Variants in ZC3H12B observed in about 807,000 individuals in gnomAD.
ZC3H12B encodes zinc finger CCCH-type containing 12B, also known as probable ribonuclease ZC3H12B.
Under a neutral mutation model 43.9 loss-of-function variants are expected in ZC3H12B, and 7 were observed. The observed-to-expected ratio is 0.16, with a 90% CI of 0.09 to 0.30. The LOEUF is 0.30. ZC3H12B is among the 10% of genes least tolerant of loss of function. ZC3H12B has a pLI of 1.00. For synonymous variants in ZC3H12B, 222 were observed against 241.7 expected, an observed-to-expected ratio of 0.92 and a Z score of 0.76; for missense variants, 475 against 670.2, an observed-to-expected ratio of 0.71 and a Z score of 3.22.
chrX:65,103,585 A>T, the ZC3H12B span, among the ~76,000 whole-genome samples: 1 of 111,969 alleles, frequency 8.9e-6, no homozygotes, highest in Non-Finnish European at 1.9e-5. Flanking sequence ...GGAAGTGATA[A>T]TGTCCGTGAA....
chrX:65,484,036 G>C (rs141339013), upstream of ZC3H12B, among the ~76,000 whole-genome samples: 1 of 112,050 alleles, frequency 8.9e-6, no homozygotes, highest in East Asian at 2.8e-4. Flanking sequence ...CTTTGCTATT[G>C]TGAATAGTGC....
At chrX:65,173,722 A>T in the ZC3H12B span, among the ~76,000 whole-genome samples, 1 of 111,860 alleles carries the variant, frequency 8.9e-6, no homozygotes, top group South Asian at 3.7e-4. Flanking sequence ...GATCAATTAC[A>T]TTTATTGATT....
the ZC3H12B span, among the ~76,000 whole-genome samples, chrX:65,163,665 C>A: frequency 1.1e-4 from 12 of 111,576 alleles, no homozygotes; most frequent in Admixed American, 1.0e-3. Flanking sequence ...TTTCCAGGTG[C>A]CATCTGTCAC....
the ZC3H12B span, among the ~76,000 whole-genome samples, chrX:65,080,234 T>C: frequency 5.6e-4 from 56 of 99,376 alleles, no homozygotes; most frequent in African/African-American, 2.0e-3. Flanking sequence ...CTAGAAAATA[T>C]CCTCAGAGGG....
At chrX:65,402,525 G>A (rs1035516529) in intron 3 of ZC3H12B, among the ~76,000 whole-genome samples, 1 of 111,794 alleles carries the variant, frequency 8.9e-6, no homozygotes, top group African/African-American at 3.3e-5. Flanking sequence ...CCAGTGCTGT[G>A]CTGGCTTCAA....
chrX:65,221,194 G>T, the ZC3H12B span, among the ~76,000 whole-genome samples: 3 of 111,722 alleles, frequency 2.7e-5, no homozygotes, highest in Non-Finnish European at 5.7e-5. Flanking sequence ...CTTGGATACA[G>T]CAAAAGGTGG....
chrX:65,227,089 GCACCA>G, the ZC3H12B span, among the ~76,000 whole-genome samples: 71 of 111,176 alleles, frequency 6.4e-4, no homozygotes, highest in Non-Finnish European at 1.0e-3. Flanking sequence ...ATTTTTTTCA[GCACCA>G]CACCACACCT....
the ZC3H12B span, among the ~76,000 whole-genome samples, chrX:65,070,816 G>GTTTTTTTTTTTTTTT: frequency 1.8e-5 from 1 of 56,055 alleles, no homozygotes; most frequent in Non-Finnish European, 3.4e-5. Flanking sequence ...TATGATTTCT[G>GTTTTTTTTTTTTTTT]TTTTTTTTTT....
the ZC3H12B span, among the ~76,000 whole-genome samples, chrX:65,114,422 T>C: frequency 9.1e-6 from 1 of 110,367 alleles, no homozygotes; most frequent in Non-Finnish European, 1.9e-5. Context: ...TTCTCTAGAG[T>C]TCTAGAGCTA....
At position 65,392,524 on chromosome X, in the gene ZC3H12B, G is replaced by A. The variant is rs760899913; in HGVS notation, n.296-6069G>A. On this transcript the variant is annotated intron_variant and non_coding_transcript_variant, in intron 2 of 5. Coordinates refer to the ZC3H12B transcript ENST00000617377. ...CATCTGGGAGGTGAGGGGCGCCCCC[G>A]CCCGGTAGCCACCCCGTCTGGGAGG... Among the ~76,000 whole-genome samples the A allele has an allele frequency of 2.5e-3, 284 of 111,602 alleles. 2 individuals carry two copies. The highest frequency in any genetic ancestry group is 8.6e-3 in the African/African-American group (264 of 30,698).
At chrX:65,216,089 C>T in the ZC3H12B span, among the ~76,000 whole-genome samples, 3 of 111,272 alleles carry the variant, frequency 2.7e-5, no homozygotes, top group Admixed American at 1.9e-4. Flanking sequence ...TAAAATCCTC[C>T]AGCCGTTGTC....
the ZC3H12B span, among the ~76,000 whole-genome samples, chrX:65,182,104 G>A: frequency 9.0e-6 from 1 of 111,394 alleles, no homozygotes; most frequent in Non-Finnish European, 1.9e-5. Flanking sequence ...CTTTTGCCTG[G>A]ACATGGATGA....
At chrX:65,380,489 G>A (rs903257428) in intron 2 of ZC3H12B, among the ~76,000 whole-genome samples, 3 of 111,804 alleles carry the variant, frequency 2.7e-5, no homozygotes, top group African/African-American at 9.8e-5. Context: ...ACCGGTACCA[G>A]CCACTGCAAA....
chrX:65,345,123 T>A, the ZC3H12B span, among the ~76,000 whole-genome samples: 5 of 112,444 alleles, frequency 4.4e-5, no homozygotes, highest in Non-Finnish European at 7.5e-5. Context: ...TCAACCATTG[T>A]GGAAAGTGGT....
the ZC3H12B span, among the ~76,000 whole-genome samples, chrX:65,229,204 C>G: frequency 2.7e-5 from 3 of 110,619 alleles, no homozygotes; most frequent in Non-Finnish European, 5.7e-5. Flanking sequence ...CAATGGAACA[C>G]AACAGAGCCC....
the ZC3H12B span, among the ~76,000 whole-genome samples, chrX:65,237,413 TG>T: frequency 7.7e-4 from 86 of 112,031 alleles, no homozygotes; most frequent in Admixed American, 1.9e-3. Context: ...ACATTCATTT[TG>T]TATTCTGAGA....
At chrX:65,174,658 C>T in the ZC3H12B span, among the ~76,000 whole-genome samples, 1 of 111,767 alleles carries the variant, frequency 8.9e-6, no homozygotes, top group South Asian at 3.7e-4. Flanking sequence ...AAGTTCCCGG[C>T]CTTCTTAGCA....
the ZC3H12B span, among the ~76,000 whole-genome samples, chrX:65,172,834 A>T: frequency 2.7e-5 from 3 of 112,082 alleles, no homozygotes; most frequent in African/African-American, 9.7e-5. Context: ...GTAGCCTTGT[A>T]GTATACTTTA....
chrX:65,286,020 T>C, the ZC3H12B span, among the ~76,000 whole-genome samples: 1 of 111,771 alleles, frequency 8.9e-6, no homozygotes, highest in African/African-American at 3.3e-5. Flanking sequence ...CTCAAAGAAC[T>C]TAAAACGGAA....
Sources: gnomAD v4.1 joint callset for allele counts (sites outside exome capture counted in the v4.1 genomes callset) on GRCh38, gnomAD v4.1.1 for gene constraint, MANE v1.5 for transcripts, NCBI Gene and HGNC (gene_info 2026-07-23, HGNC 2026-07-21) for gene names.